Variants in N4BP1 observed in about 807,000 individuals in gnomAD.
The protein encoded by N4BP1 is NEDD4-binding protein 1.
In N4BP1, 21 loss-of-function variants were observed where a neutral mutation model predicts 70.9. The observed-to-expected ratio is 0.30, with a 90% CI of 0.21 to 0.43. N4BP1 has a LOEUF of 0.43. Among genes scored for constraint, N4BP1 ranks in the 20% least tolerant of loss-of-function variants. The pLI is 1.00. For missense variants in N4BP1, 936 were observed against 1,069.4 expected, an observed-to-expected ratio of 0.88 and a Z score of 1.74; for synonymous variants, 387 against 394.6, an observed-to-expected ratio of 0.98 and a Z score of 0.23.
At chr16:48,569,393 AT>A (rs1963985025) in intron 1 of N4BP1, among the ~76,000 whole-genome samples, 1 of 151,914 alleles carries the variant, frequency 6.6e-6, no homozygotes, top group Non-Finnish European at 1.5e-5. Flanking sequence ...CAATGCTATT[AT>A]TTAATTTTTA....
At chr16:48,560,175 T>C (rs1410845075) in intron 2 of N4BP1, among the ~76,000 whole-genome samples, 3 of 152,180 alleles carry the variant, frequency 2.0e-5, no homozygotes, top group Non-Finnish European at 4.4e-5. Flanking sequence ...ACAGGCTAAC[T>C]AGAAACAACA....
rs1205118945 is a variant in N4BP1 at position 48,543,112 on chromosome 16, G to A, written c.2483C>T (p.Pro828Leu). The change falls in exon 7 of 7, where the codon CCC (proline) becomes CTC (leucine). Residue 828 changes from proline (P) to leucine (L), a missense_variant. This residue lies in a region of N4BP1 where 229 missense variants were observed against 343.5 expected (regional missense o/e 0.67). Transcript: ENST00000262384. ...GAGGGCTGGCAGCAGTGGGAAGTGG[G>A]GCTGCTGAGGGAGCCAGTGGCTTGA... is the stretch of plus-strand genomic sequence containing the variant. The part of the protein sequence containing the change: ...APSSHWLPQQ[P>L]HFPLLPALPS... 6.2e-7 allele frequency: 1 copy of A among 1,612,288 alleles called. No homozygotes were observed. The highest frequency in any genetic ancestry group is 8.5e-7 in the Non-Finnish European group (1 of 1,178,564).
intron 1 of N4BP1, among the ~76,000 whole-genome samples, chr16:48,563,340 G>A (rs1051895732): frequency 6.6e-6 from 1 of 151,810 alleles, no homozygotes; most frequent in African/African-American, 2.4e-5. Context: ...GGGCCAAAGA[G>A]CGGGACCCTA....
At chr16:48,552,699 GAAAAAAAAAA>G (rs71134556) in intron 3 of N4BP1, among the ~76,000 whole-genome samples, 29 of 18,484 alleles carry the variant, frequency 1.6e-3, no homozygotes, top group South Asian at 3.3e-3. Flanking sequence ...CTCCGTCTCA[GAAAAAAAAAA>G]AAAAAAAAAA....
Position 48,542,985 on chromosome 16 carries a change from T to C in N4BP1, c.2610A>G (p.Gln870=). The change falls in exon 7 of 7, where the codon CAA becomes CAG. Residue 870 remains glutamine (Q), a synonymous_variant. Coordinates refer to ENST00000262384, the MANE Select transcript of N4BP1 (RefSeq NM_153029.4). Reference sequence around the variant, plus strand: ...CCAAGATCTGGTCTATTTTCAGTCTTTGCTCTGAGTCAGGGAAGATCTTCA... The same window carrying C: ...CCAAGATCTGGTCTATTTTCAGTCTCTGCTCTGAGTCAGGGAAGATCTTCA... ...ALLKIFPDSE[Q]RLKIDQILVA... 6.2e-7 allele frequency: 1 copy of C among 1,614,058 alleles called. No homozygotes were observed. The highest frequency in any genetic ancestry group is 8.5e-7 in the Non-Finnish European group (1 of 1,179,902).
intron 1 of N4BP1, among the ~76,000 whole-genome samples, chr16:48,591,406 T>A (rs964274599): frequency 6.6e-6 from 1 of 151,964 alleles, no homozygotes; most frequent in African/African-American, 2.4e-5. Flanking sequence ...TTACCATCTC[T>A]TTGAAACACC....
At chr16:48,572,090 C>T (rs975326356) in intron 1 of N4BP1, among the ~76,000 whole-genome samples, 13 of 152,056 alleles carry the variant, frequency 8.5e-5, no homozygotes, top group Non-Finnish European at 1.6e-4. Context: ...GTCCCAGCCA[C>T]CCGGAGACTG....
At chr16:48,543,743 T>C (rs1316144666) in intron 6 of N4BP1, among the ~76,000 whole-genome samples, 2 of 152,118 alleles carry the variant, frequency 1.3e-5, no homozygotes, top group Non-Finnish European at 2.9e-5. Context: ...CACATGGGTA[T>C]GTGCGAGTAT....
chr16:48,561,216 C>T lies in N4BP1; in HGVS notation c.1427G>A (p.Gly476Asp). ...VPIEQKHEVWGSNQNYICNTD... is the reference protein window; with the variant it reads ...VPIEQKHEVWDSNQNYICNTD... Reference sequence around the variant, plus strand: ...GTTACAAATGTAGTTCTGGTTTGAACCCCAGACTTCATGTTTCTGTTCTAT... The same window carrying T: ...GTTACAAATGTAGTTCTGGTTTGAATCCCAGACTTCATGTTTCTGTTCTAT... Residue 476 changes from glycine to aspartate, a missense_variant, in exon 2 of 7, where the codon GGT becomes GAT. By Grantham distance (94) the Gly-to-Asp change is moderately conservative. Transcript: ENST00000262384. 6.2e-7 allele frequency: 1 copy of T among 1,613,972 alleles called. No individual in the cohort carries two copies. The highest frequency in any genetic ancestry group is 1.3e-5 in the African/African-American group (1 of 75,046).
In N4BP1 at chr16:48,610,003, G is replaced by A; in HGVS notation, c.-31C>T. ...GCGCGGCCTCCCGCGGCGGCGCCGGGGGCCGGCGGCGGCGACGCCCCCTCA... is the reference window on the plus strand; with the variant it reads ...GCGCGGCCTCCCGCGGCGGCGCCGGAGGCCGGCGGCGGCGACGCCCCCTCA... On this transcript the variant is annotated 5_prime_UTR_variant, in exon 1 of 7. Transcript: ENST00000262384. 3 of 1,138,714 alleles carry A rather than the reference G, an allele frequency of 2.6e-6. No homozygotes were observed. Among genetic ancestry groups the A allele is most frequent in the Non-Finnish European group, 3.2e-6 (3 of 928,518 alleles). The allele number at this position is 1,138,714 out of a possible 1,614,324, so 70.5% of individuals were successfully genotyped here.
chr16:48,543,213 G>T lies in N4BP1; in HGVS notation c.2382C>A (p.Asp794Glu), dbSNP rs1470879129. The part of the protein sequence containing the change: ...LSALPNVGMF[D>E]PSFRVPGTQA... ...GGGTGCCAGGGACTCTGAAGCTGGG[G>T]TCAAACATGCCCACATTTGGCAGGG... Residue 794 changes from aspartate (D) to glutamate (E), a missense_variant, in exon 7 of 7, where the codon GAC becomes GAA. This residue lies in a region of N4BP1 where 229 missense variants were observed against 343.5 expected (regional missense o/e 0.67). Transcript: ENST00000262384. The T allele has an allele frequency of 3.8e-6, 6 of 1,563,492 alleles. No homozygotes were observed. Among genetic ancestry groups the T allele is most frequent in the Non-Finnish European group, 5.2e-6 (6 of 1,152,858 alleles).
At chr16:48,585,222 G>A (rs1001495144) in intron 1 of N4BP1, among the ~76,000 whole-genome samples, 12 of 151,916 alleles carry the variant, frequency 7.9e-5, no homozygotes, top group African/African-American at 2.7e-4. Flanking sequence ...CGTGAGTCAC[G>A]TCACTCGGCC....
intron 1 of N4BP1, 84 bp from the exon 2 acceptor site, chr16:48,562,528 A>C: frequency 8.2e-6 from 9 of 1,098,468 alleles, no homozygotes; most frequent in South Asian, 1.9e-5. Context: ...TACAAATGTC[A>C]GGCCGATTTT....
Position 48,560,864 on chromosome 16 carries a change from A to T in N4BP1, c.1779T>A (p.Val593=). The stretch of plus-strand genomic sequence containing the variant: ...TTTTTAGAGTATCTCGAAACCTTTG[A>T]ACCCCAGTAACTGAGGAATCAATAT... ...SDHIDSSVTG[V]QRFRDTLKIP... is the part of the protein sequence containing the mutation. The change falls in exon 2 of 7, where the codon GTT becomes GTA. Residue 593 remains valine (V), a synonymous_variant. Transcript: ENST00000262384. The T allele has an allele frequency of 3.1e-6, 5 of 1,613,988 alleles. No individual in the cohort carries two copies. Among genetic ancestry groups the T allele is most frequent in the Non-Finnish European group, 4.2e-6 (5 of 1,179,888 alleles).
At chr16:48,600,401 A>G in intron 1 of N4BP1, 3 of 696,870 alleles carry the variant, frequency 4.3e-6, no homozygotes, top group Non-Finnish European at 8.0e-6. Context: ...AAACCATCAA[A>G]TACCAGTGAG....
Position 48,543,025 on chromosome 16 carries a change from A to G in N4BP1, c.2570T>C (p.Leu857Pro). Residue 857 changes from leucine (L) to proline (P), a missense_variant, in exon 7 of 7, where the codon CTG becomes CCG. By Grantham distance (98) the Leu-to-Pro change is moderately conservative. This residue lies in a region of N4BP1 where 229 missense variants were observed against 343.5 expected (regional missense o/e 0.67). Transcript: ENST00000262384. ...GAAGATCTTCAGAAGGGCTTCCCTC[A>G]GCTCGTTGGTTTCTGCAGAAGATCT... Reference protein sequence around the residue: ...AQRSSAETNELREALLKIFPD... With the variant: ...AQRSSAETNEPREALLKIFPD... The G allele has an allele frequency of 6.2e-7, 1 of 1,614,066 alleles. No homozygotes were observed. Among genetic ancestry groups the G allele is most frequent in the Non-Finnish European group, 8.5e-7 (1 of 1,179,902 alleles).
At chr16:48,581,219 A>G (rs937573665) in intron 1 of N4BP1, among the ~76,000 whole-genome samples, 4 of 151,144 alleles carry the variant, frequency 2.6e-5, no homozygotes. Flanking sequence ...CCAAAAAAGC[A>G]TTTGATAAAA....
chr16:48,561,683 T>C lies in N4BP1; in HGVS notation c.960A>G (p.Val320=), dbSNP rs1195992407. The C allele has an allele frequency of 8.7e-6, 14 of 1,613,136 alleles. 1 individual carries two copies. The South Asian group carries it at 1.4e-4, about 16-fold the overall frequency. The part of the protein sequence containing the change: ...LHDAKTLAGN[V]IADLSDSSAD... ...CAGAAGAATCAGATAGGTCAGCTAT[T>C]ACATTTCCAGCCAATGTCTTAGCAT... The change falls in exon 2 of 7, where the codon GTA becomes GTG. Residue 320 remains valine (V), a synonymous_variant. Coordinates refer to ENST00000262384, the MANE Select transcript of N4BP1 (RefSeq NM_153029.4).
chr16:48,588,317 G>A (rs1482937955), intron 1 of N4BP1, among the ~76,000 whole-genome samples: 14 of 142,150 alleles, frequency 9.8e-5, no homozygotes, highest in African/African-American at 3.7e-4. Flanking sequence ...TTTTGGAGAT[G>A]AAGTTTCATT....
Sources: allele counts gnomAD v4.1 joint callset (sites outside exome capture counted in the v4.1 genomes callset), GRCh38; gene constraint gnomAD v4.1.1; regional missense constraint gnomAD v4.1.1; transcripts MANE v1.5; gene names NCBI Gene and HGNC (gene_info 2026-07-23, HGNC 2026-07-21).